Variants in GALNT2 observed in about 807,000 individuals in gnomAD.
GALNT2 encodes polypeptide N-acetylgalactosaminyltransferase 2.
In GALNT2, 31 loss-of-function variants were observed where a neutral mutation model predicts 81.4. The ratio of observed to expected loss-of-function variants is 0.38; its 90% CI spans 0.29 to 0.51. The LOEUF (loss-of-function observed/expected upper bound fraction) is 0.51, where lower values mean the gene tolerates loss of function less well. GALNT2 is among the 20% of genes least tolerant of loss of function. GALNT2 has a pLI of 0.87. For synonymous variants in GALNT2, 303 were observed against 287.4 expected (o/e 1.05, Z -0.55); for missense variants, 629 against 765.7 (o/e 0.82, Z 2.11).
intron 3 of GALNT2, among the ~76,000 whole-genome samples, chr1:230,233,389 C>T (rs1664926682): frequency 6.6e-6 from 1 of 152,278 alleles, no homozygotes; most frequent in Non-Finnish European, 1.5e-5. Flanking sequence ...CCAAGGCAGG[C>T]AGATCACGAG....
chr1:230,069,266 T>TTTTG (rs112582134), intron 1 of GALNT2, among the ~76,000 whole-genome samples: 9,488 of 148,764 alleles, frequency 0.064, 851 homozygotes, highest in African/African-American at 0.21. Context: ...AGTTTGTTTT[T>TTTTG]TTTTGTTTTG....
rs912490911 is a variant in GALNT2, at chr1:230,193,963, C to T, written c.221-9174C>T. ...CCCAGGCACCATGGACCGTTACAGT[C>T]GCCAGCCACTCTCTGCTCAAGGGAC... On this transcript the variant is annotated intron_variant, in intron 2 of 15. Coordinates refer to ENST00000366672, the MANE Select transcript of GALNT2 (RefSeq NM_004481.5). The surrounding 1 kb of genome is among the most constrained non-coding windows in gnomAD (Gnocchi z 4.3). 7.2e-5 allele frequency among the ~76,000 whole-genome samples: 11 copies of T among 152,158 alleles called. No homozygotes were observed. Among genetic ancestry groups the T allele is most frequent in the Non-Finnish European group, 1.5e-4 (10 of 68,034 alleles).
Position 230,275,328 on chromosome 1 carries a change from C to T in GALNT2, c.1560+764C>T, listed in dbSNP as rs566384668. ...TATATAAACGCCACATATATATACACACCACATATGTATACATATATATAC... is the reference window on the plus strand; with the variant it reads ...TATATAAACGCCACATATATATACATACCACATATGTATACATATATATAC... On this transcript the variant is annotated intron_variant, in intron 15 of 15. Coordinates refer to ENST00000366672, the MANE Select transcript of GALNT2 (RefSeq NM_004481.5). The surrounding 1 kb of genome is among the most constrained non-coding windows in gnomAD (Gnocchi z 5.5). Among the ~76,000 whole-genome samples, 4 of 151,254 alleles carry T rather than the reference C, an allele frequency of 2.6e-5. No homozygotes were observed. Among genetic ancestry groups the T allele is most frequent in the African/African-American group, 9.7e-5 (4 of 41,166 alleles).
At chr1:230,120,595 T>C (rs561477610) in intron 1 of GALNT2, among the ~76,000 whole-genome samples, 1 of 152,134 alleles carries the variant, frequency 6.6e-6, no homozygotes, top group East Asian at 1.9e-4. Flanking sequence ...AGATCAGTCA[T>C]GAAAATGGCT....
chr1:230,248,649 A>G (rs533956231), intron 8 of GALNT2, among the ~76,000 whole-genome samples: 1 of 152,224 alleles, frequency 6.6e-6, no homozygotes, highest in South Asian at 2.1e-4. Context: ...CCGCTGGCTC[A>G]TTTTCCCTTA....
At chr1:230,183,215 T>G (rs1175539292) in intron 2 of GALNT2, among the ~76,000 whole-genome samples, 1 of 152,266 alleles carries the variant, frequency 6.6e-6, no homozygotes, top group African/African-American at 2.4e-5. Context: ...GGACTTATTT[T>G]TCGATTCTCA....
At chr1:230,256,293 A>G (rs1326415539) in intron 11 of GALNT2, among the ~76,000 whole-genome samples, 1 of 152,182 alleles carries the variant, frequency 6.6e-6, no homozygotes, top group Non-Finnish European at 1.5e-5. Context: ...TAAAAATACA[A>G]AAATTAACCG....
In GALNT2 at chr1:230,173,484, G is replaced by A. The variant is rs72651074; in HGVS notation, c.127-4734G>A. The stretch of plus-strand genomic sequence containing the variant: ...CTGTCAACATCCCTCCTTTGAGGGT[G>A]GTGGAAACAAAGCAGAGATGGGTCT... On this transcript the variant is annotated intron_variant, in intron 1 of 15. Coordinates refer to ENST00000366672, the MANE Select transcript of GALNT2 (RefSeq NM_004481.5). 1.6e-3 allele frequency among the ~76,000 whole-genome samples: 240 copies of A among 152,298 alleles called. No homozygotes were observed. The Middle Eastern group carries it at 0.031, about 19-fold the overall frequency.
rs1339280820 is a variant in GALNT2 at position 230,223,968 on chromosome 1, G to A, written c.375-12046G>A. Among the ~76,000 whole-genome samples, 6 of 152,188 alleles carry A rather than the reference G, an allele frequency of 3.9e-5. No homozygotes were observed. In the East Asian group the frequency reaches 9.6e-4, roughly 24 times the overall value. ...GGGGAGAACTGCAAGAGTAGGGTAG[G>A]AAAGAAAACCAACTGCCTGAATAAC... On this transcript the variant is annotated intron_variant, in intron 3 of 15. Coordinates refer to ENST00000366672, the MANE Select transcript of GALNT2 (RefSeq NM_004481.5).
At chr1:230,091,275 C>T (rs200837891) in intron 1 of GALNT2, among the ~76,000 whole-genome samples, 153 of 151,604 alleles carry the variant, frequency 1.0e-3, no homozygotes, top group Middle Eastern at 3.4e-3. Context: ...AGGGTTTCAC[C>T]GTGTTGGCCA....
At chr1:230,085,753 C>T (rs1659880573) in intron 1 of GALNT2, among the ~76,000 whole-genome samples, 1 of 152,222 alleles carries the variant, frequency 6.6e-6, no homozygotes, top group Non-Finnish European at 1.5e-5. Context: ...TTATTCATTG[C>T]ATTTTGGATC....
Position 230,060,253 on chromosome 1 carries a change from C to A in GALNT2, n.89+2175C>A, listed in dbSNP as rs191405539. On this transcript the variant is annotated intron_variant and non_coding_transcript_variant, in intron 1 of 6. Transcript: ENST00000494106. ...CATCCTTGGCCAGAATACATATTTT[C>A]ATTTGAATATATTCTCCCTTGGACA... Among the ~76,000 whole-genome samples the A allele has an allele frequency of 2.2e-3, 332 of 152,246 alleles. 3 individuals carry two copies. Among genetic ancestry groups the A allele is most frequent in the Middle Eastern group, 6.8e-3 (2 of 294 alleles).
At chr1:230,209,733 C>A (rs1054652287) in intron 3 of GALNT2, among the ~76,000 whole-genome samples, 1 of 151,824 alleles carries the variant, frequency 6.6e-6, no homozygotes, top group Non-Finnish European at 1.5e-5. Flanking sequence ...GTCCCAGCTA[C>A]AAGGGAGGCT....
At chr1:230,258,846 A>G (rs1665795381) in intron 11 of GALNT2, 1 of 152,252 alleles carries the variant, frequency 6.6e-6, no homozygotes, top group South Asian at 2.1e-4. Flanking sequence ...CACCAAAGCC[A>G]TTGATACCTA....
At position 230,280,046 on chromosome 1, in the gene GALNT2, T is replaced by C. The variant is rs1666395709; in HGVS notation, c.*588T>C. On this transcript the variant is annotated 3_prime_UTR_variant, in exon 16 of 16. Transcript: ENST00000366672. ...ATATTGAGGATGAAGTTTTCTATGG[T>C]GGGACACTAAATATAAAGCTATATA... The C allele has an allele frequency of 6.6e-6, 3 of 455,754 alleles. No homozygotes were observed. Among genetic ancestry groups the C allele is most frequent in the Admixed American group, 2.4e-5 (1 of 42,534 alleles). The allele number at this position is 455,754 out of a possible 1,614,324, so 28.2% of individuals were successfully genotyped here.
intron 1 of GALNT2, among the ~76,000 whole-genome samples, chr1:230,093,986 T>G (rs890428211): frequency 7.2e-6 from 1 of 139,302 alleles, no homozygotes; most frequent in South Asian, 2.4e-4. Flanking sequence ...ATGAGGGTAA[T>G]AATACTGTTT....
At chr1:230,100,716 A>G (rs1383901825) in intron 1 of GALNT2, among the ~76,000 whole-genome samples, 1 of 152,252 alleles carries the variant, frequency 6.6e-6, no homozygotes, top group Admixed American at 6.5e-5. Flanking sequence ...AACTTGCTCA[A>G]GATCACAAAG....
intron 1 of GALNT2, among the ~76,000 whole-genome samples, chr1:230,149,501 C>G (rs1662028111): frequency 6.6e-6 from 1 of 152,124 alleles, no homozygotes; most frequent in South Asian, 2.1e-4. Context: ...TAAACATAGT[C>G]CTTCTCTGTA....
At chr1:230,205,777 C>A (rs190323567) in intron 3 of GALNT2, among the ~76,000 whole-genome samples, 2 of 152,270 alleles carry the variant, frequency 1.3e-5, no homozygotes, top group East Asian at 3.9e-4. Context: ...ACCACCAGCC[C>A]ATCCCCAGGC....
Sources: allele counts gnomAD v4.1 joint callset (sites outside exome capture counted in the v4.1 genomes callset), GRCh38; gene constraint gnomAD v4.1.1; non-coding constraint Gnocchi (gnomAD v3.1); transcripts MANE v1.5; gene names NCBI Gene and HGNC (gene_info 2026-07-23, HGNC 2026-07-21).